USP25: variants seen among roughly 807,000 people sequenced by gnomAD.
USP25 encodes the protein ubiquitin specific peptidase 25, also known as ubiquitin carboxyl-terminal hydrolase 25.
A neutral mutation model predicts 158.5 loss-of-function variants in USP25; 85 were observed. The observed-to-expected ratio is 0.54, with a 90% CI of 0.45 to 0.64. The LOEUF (loss-of-function observed/expected upper bound fraction) is 0.64. Among genes scored for constraint, USP25 ranks in the 30% least tolerant of loss-of-function variants. USP25 has a pLI of 0.00. For synonymous variants in USP25, 464 were observed against 460.4 expected (o/e 1.01, Z -0.10); for missense variants, 1,242 against 1,327.3 (o/e 0.94, Z 1.00).
chr21:15,825,029 T>C lies in USP25; in HGVS notation c.1272T>C (p.Asp424=). 9 of 1,612,174 alleles carry C rather than the reference T, an allele frequency of 5.6e-6. No individual in the cohort carries two copies. Among genetic ancestry groups the C allele is most frequent in the Non-Finnish European group, 7.6e-6 (9 of 1,179,088 alleles). The change falls in exon 12 of 26, where the codon GAT becomes GAC. Residue 424 remains aspartate (D), a synonymous_variant. Coordinates refer to ENST00000400183, the MANE Select transcript of USP25 (RefSeq NM_001283041.3). ...IKREEIKRLK[D]YLTVLQQRLE... Reference sequence around the variant, plus strand: ...GGGAAGAGATCAAGAGACTGAAAGATTACCTCACGGTATTACAACAAAGGC... The same window carrying C: ...GGGAAGAGATCAAGAGACTGAAAGACTACCTCACGGTATTACAACAAAGGC...
At position 15,787,902 on chromosome 21, in the gene USP25, A is replaced by ACCCCCCCCCCCCCCC. The variant is rs5842545; in HGVS notation, c.393-3590_393-3589insCCCCCCCCCCCCCCC. Among the ~76,000 whole-genome samples, 106 of 83,612 alleles carry ACCCCCCCCCCCCCCC rather than the reference A, an allele frequency of 1.3e-3. 1 individual carries two copies. Among genetic ancestry groups the ACCCCCCCCCCCCCCC allele is most frequent in the Non-Finnish European group, 2.2e-3 (84 of 38,764 alleles). 54.9% of individuals were successfully genotyped at this position (83,612 alleles called of 152,430 possible). A position where few individuals can be genotyped will look rare whatever the true frequency, so the allele number is the denominator to read the frequency against. On this transcript the variant is annotated intron_variant, in intron 4 of 25. Coordinates refer to ENST00000400183, the MANE Select transcript of USP25 (RefSeq NM_001283041.3). ...AACAATAAAATAATAACACCCCCTCACCCCCCCCCCAAGTAAAACCACCGT... is the reference window on the plus strand; with the variant it reads ...AACAATAAAATAATAACACCCCCTCACCCCCCCCCCCCCCCCCCCCCCCCCAAGTAAAACCACCGT...
chr21:15,744,540 C>T (rs76859804), intron 1 of USP25, among the ~76,000 whole-genome samples: 11,401 of 151,890 alleles, frequency 0.075, 490 homozygotes, highest in East Asian at 0.091. Context: ...TCTTGAACTC[C>T]TGACCTCAAG....
chr21:15,776,758 G>A (rs1353594939), intron 3 of USP25, among the ~76,000 whole-genome samples: 1 of 152,036 alleles, frequency 6.6e-6, no homozygotes, highest in East Asian at 1.9e-4. Context: ...GAGGATCACT[G>A]GAGCTCAGGA....
In USP25 at chr21:15,879,702, C is replaced by T. The variant is rs1452879042; in HGVS notation, c.*1227C>T. On this transcript the variant is annotated 3_prime_UTR_variant, in exon 26 of 26. Transcript: ENST00000400183. The stretch of plus-strand genomic sequence containing the variant: ...TGTTTTGTGAACATAGTAAAATAGA[C>T]CATTATACTATGTGTATGTTTGATA... 6.6e-6 allele frequency: 1 copy of T among 152,424 alleles called. No homozygotes were observed. The highest frequency in any genetic ancestry group is 1.9e-4 in the East Asian group (1 of 5,196). The allele number at this position is 152,424 out of a possible 1,614,324, so 9.4% of individuals were successfully genotyped here.
chr21:15,774,277 A>G (rs1477272606), intron 3 of USP25, among the ~76,000 whole-genome samples: 1 of 152,182 alleles, frequency 6.6e-6, no homozygotes, highest in Non-Finnish European at 1.5e-5. Context: ...GGTAATTTGA[A>G]AAGATTTCTT....
At chr21:15,740,641 G>GTTTTTTTTTTTTTTTTTTTTT (rs60616271) in intron 1 of USP25, among the ~76,000 whole-genome samples, 2 of 41,302 alleles carry the variant, frequency 4.8e-5, no homozygotes, top group Non-Finnish European at 1.5e-4. Context: ...CTTTCTGGCT[G>GTTTTTTTTTTTTTTTTTTTTT]TTTTTTTTTT....
chr21:15,731,196 A>T (rs1207971247), intron 1 of USP25, among the ~76,000 whole-genome samples: 1 of 152,016 alleles, frequency 6.6e-6, no homozygotes, highest in Non-Finnish European at 1.5e-5. Context: ...GTGAATAGAG[A>T]TCATTCTGCT....
intron 19 of USP25, 79 bp downstream of exon 19, chr21:15,847,855 T>G: frequency 1.2e-6 from 1 of 841,304 alleles, no homozygotes; most frequent in South Asian, 1.8e-5. Flanking sequence ...GCCTGCACCC[T>G]CATACTTAAT....
At chr21:15,825,674 C>A (rs968851081) in intron 12 of USP25, among the ~76,000 whole-genome samples, 1 of 152,142 alleles carries the variant, frequency 6.6e-6, no homozygotes, top group African/African-American at 2.4e-5. Flanking sequence ...TGAAATGTCA[C>A]AAGTCATTTC....
chr21:15,865,594 G>T (rs2039620898), intron 21 of USP25, among the ~76,000 whole-genome samples: 1 of 152,194 alleles, frequency 6.6e-6, no homozygotes, highest in Non-Finnish European at 1.5e-5. Context: ...AAACAGGGTT[G>T]TTGTGACCCT....
At chr21:15,863,580 A>G (rs2039524291) in intron 20 of USP25, among the ~76,000 whole-genome samples, 1 of 152,222 alleles carries the variant, frequency 6.6e-6, no homozygotes, top group African/African-American at 2.4e-5. Context: ...AGAAAGGTAA[A>G]ACAGAACGGG....
At chr21:15,787,026 C>T (rs912301176) in intron 4 of USP25, among the ~76,000 whole-genome samples, 3 of 151,956 alleles carry the variant, frequency 2.0e-5, no homozygotes, top group Admixed American at 6.6e-5. Flanking sequence ...TACAAAAAAT[C>T]TAGATACCTA....
At chr21:15,870,439 C>A (rs1183595170) in intron 23 of USP25, among the ~76,000 whole-genome samples, 1 of 152,086 alleles carries the variant, frequency 6.6e-6, no homozygotes, top group Non-Finnish European at 1.5e-5. Flanking sequence ...GATATCAAGT[C>A]AGAGATAGTG....
intron 1 of USP25, among the ~76,000 whole-genome samples, chr21:15,737,734 T>A (rs910943600): frequency 6.6e-6 from 1 of 152,178 alleles, no homozygotes; most frequent in Non-Finnish European, 1.5e-5. Context: ...GAGTTTTGTA[T>A]ATGGTGCGAG....
Position 15,816,335 on chromosome 21 carries a change from C to A in USP25, c.932-2363C>A, listed in dbSNP as rs1174931530. ...GTTCCAATTAATCCTCTTTTTCTTC[C>A]CAGTTTGGGATGTGTCTTTATCAGC... On this transcript the variant is annotated intron_variant, in intron 9 of 25. Transcript: ENST00000400183. This position sits in a 1 kb window ranked among gnomAD's most constrained non-coding sequence, Gnocchi z 4.0. Among the ~76,000 whole-genome samples the A allele has an allele frequency of 1.3e-5, 2 of 152,094 alleles. No individual in the cohort carries two copies. Among genetic ancestry groups the A allele is most frequent in the Non-Finnish European group, 2.9e-5 (2 of 68,014 alleles).
At chr21:15,874,021 A>T (rs1355404204) in intron 23 of USP25, among the ~76,000 whole-genome samples, 1 of 152,156 alleles carries the variant, frequency 6.6e-6, no homozygotes, top group African/African-American at 2.4e-5. Context: ...CATTTACTTC[A>T]TATAAATGTG....
Position 15,850,642 on chromosome 21 carries a change from A to T in USP25, c.2547+770A>T, listed in dbSNP as rs2038843139. On this transcript the variant is annotated intron_variant, in intron 20 of 25. Transcript: ENST00000400183. ...TCCAGTTTGCTACAGTGAACTATGC[A>T]TTTCTTTCTTTTTGACATTAAAAAT... 2.0e-5 allele frequency among the ~76,000 whole-genome samples: 3 copies of T among 151,228 alleles called. No individual in the cohort carries two copies. The South Asian group carries it at 6.3e-4, about 32-fold the overall frequency.
chr21:15,841,840 G>A (rs144402436), intron 17 of USP25, among the ~76,000 whole-genome samples: 218 of 152,154 alleles, frequency 1.4e-3, no homozygotes, highest in African/African-American at 5.0e-3. Context: ...GTACATTGTT[G>A]GATATATAAG....
intron 10 of USP25, 26 bp downstream of exon 10, chr21:15,818,872 C>CTAGG: frequency 6.2e-7 from 1 of 1,610,862 alleles, no homozygotes; most frequent in Non-Finnish European, 8.5e-7. Context: ...TCATTGTCCC[C>CTAGG]TTTCTTCCCT....
Sources: gnomAD v4.1 joint callset for allele counts (sites outside exome capture counted in the v4.1 genomes callset) on GRCh38, gnomAD v4.1.1 for gene constraint, Gnocchi (gnomAD v3.1) non-coding constraint, MANE v1.5 for transcripts, NCBI Gene and HGNC (gene_info 2026-07-23, HGNC 2026-07-21) for gene names.